Variants in GNA14 observed in about 807,000 individuals in gnomAD.
The protein encoded by GNA14 is guanine nucleotide-binding protein subunit alpha-14.
A neutral mutation model predicts 42.0 loss-of-function variants in GNA14; 50 were observed. The observed-to-expected ratio is 1.19, with a 90% CI of 0.95 to 1.51. The LOEUF (loss-of-function observed/expected upper bound fraction) is 1.51, where lower values mean the gene tolerates loss of function less well. Among genes scored for constraint, GNA14 ranks in the 40% most tolerant of loss-of-function variants. GNA14 has a pLI of 0.00. For synonymous variants in GNA14, 173 were observed against 163.1 expected, an observed-to-expected ratio of 1.06 and a Z score of -0.46; for missense variants, 473 against 446.2, an observed-to-expected ratio of 1.06 and a Z score of -0.54.
At chr9:77,582,964 A>G (rs566183270) in intron 1 of GNA14, among the ~76,000 whole-genome samples, 1 of 152,290 alleles carries the variant, frequency 6.6e-6, no homozygotes, top group East Asian at 1.9e-4. Flanking sequence ...CTTGATTTTC[A>G]CACCTGTACC....
chr9:77,452,561 T>TGTGTGTGTGTTGTGTG, intron 2 of GNA14, among the ~76,000 whole-genome samples: 1 of 142,102 alleles, frequency 7.0e-6, no homozygotes, highest in African/African-American at 2.7e-5. Flanking sequence ...TGTGTGTGTG[T>TGTGTGTGTGTTGTGTG]GTGTGTGTGT....
At chr9:77,514,608 ATTT>A (rs34158312) in intron 2 of GNA14, among the ~76,000 whole-genome samples, 17,740 of 134,446 alleles carry the variant, frequency 0.13, 931 homozygotes, top group East Asian at 0.24. Flanking sequence ...ATAATATCAG[ATTT>A]TTTTTTTTTT....
intron 2 of GNA14, among the ~76,000 whole-genome samples, chr9:77,479,989 T>C (rs190081785): frequency 1.6e-3 from 242 of 152,338 alleles, no homozygotes; most frequent in African/African-American, 5.4e-3. Flanking sequence ...AATCATGTCA[T>C]CTGCAAACAG....
chr9:77,584,517 CCCCACCA>C (rs1823271526), intron 1 of GNA14, among the ~76,000 whole-genome samples: 1 of 151,364 alleles, frequency 6.6e-6, no homozygotes, highest in South Asian at 2.1e-4. Context: ...ACCCCCCACC[CCCCACCA>C]CCCCAACCAA....
rs1014837623 is a variant in GNA14, at chr9:77,549,954, C to T, written c.125-20701G>A. Among the ~76,000 whole-genome samples, 6 of 152,180 alleles carry T rather than the reference C, an allele frequency of 3.9e-5. No individual in the cohort carries two copies. In the East Asian group the frequency reaches 1.2e-3, roughly 29 times the overall value. On this transcript the variant is annotated intron_variant, in intron 1 of 6. Transcript: ENST00000341700. The stretch of plus-strand genomic sequence containing the variant: ...CTTGCATGGGCCCTCCCCAGTCCAT[C>T]GTCTTGGGGGTGAACATGTCACTGG...
rs867602016 is a variant in GNA14 at position 77,588,386 on chromosome 9, T to C, written c.125-59133A>G. Among the ~76,000 whole-genome samples, 12 of 152,186 alleles carry C rather than the reference T, an allele frequency of 7.9e-5. No homozygotes were observed. The East Asian group carries it at 1.2e-3, about 15-fold the overall frequency. On this transcript the variant is annotated intron_variant, in intron 1 of 6. Coordinates refer to ENST00000341700, the MANE Select transcript of GNA14 (RefSeq NM_004297.4). ...TCAGCACTGTATTTTGAATGAAGAATGTGAAAGTAACAAGCAGGACTTGGT... is the reference window on the plus strand; with the variant it reads ...TCAGCACTGTATTTTGAATGAAGAACGTGAAAGTAACAAGCAGGACTTGGT...
At chr9:77,570,271 T>G (rs1243883597) in intron 1 of GNA14, among the ~76,000 whole-genome samples, 2 of 152,188 alleles carry the variant, frequency 1.3e-5, no homozygotes, top group African/African-American at 4.8e-5. Flanking sequence ...ATGTGTACAA[T>G]TCAATGGTTT....
At chr9:77,432,558 C>T (rs1438427449) in intron 3 of GNA14, among the ~76,000 whole-genome samples, 1 of 152,178 alleles carries the variant, frequency 6.6e-6, no homozygotes, top group African/African-American at 2.4e-5. Context: ...GTCCAATCAG[C>T]AGACATCTCT....
At chr9:77,464,283 G>A (rs1836172075) in intron 2 of GNA14, among the ~76,000 whole-genome samples, 1 of 152,084 alleles carries the variant, frequency 6.6e-6, no homozygotes, top group African/African-American at 2.4e-5. Flanking sequence ...TTACAGGCAT[G>A]AGCCACCATG....
At chr9:77,464,878 A>C (rs1345707760) in intron 2 of GNA14, among the ~76,000 whole-genome samples, 1 of 152,122 alleles carries the variant, frequency 6.6e-6, no homozygotes, top group Admixed American at 6.5e-5. Context: ...AAGAAGAGGG[A>C]AACTTGGACA....
chr9:77,564,807 T>C (rs1287506991), intron 1 of GNA14, among the ~76,000 whole-genome samples: 1 of 150,884 alleles, frequency 6.6e-6, no homozygotes, highest in Non-Finnish European at 1.5e-5. Flanking sequence ...CACTCCAGCC[T>C]GGGTGACGAA....
At chr9:77,439,367 A>G (rs1010387685) in intron 2 of GNA14, among the ~76,000 whole-genome samples, 10 of 152,192 alleles carry the variant, frequency 6.6e-5, no homozygotes, top group African/African-American at 2.2e-4. Context: ...GGCTGGGTGC[A>G]GTGGCTCACG....
intron 2 of GNA14, among the ~76,000 whole-genome samples, chr9:77,465,168 C>T (rs1324999995): frequency 6.6e-6 from 1 of 152,178 alleles, no homozygotes; most frequent in Non-Finnish European, 1.5e-5. Context: ...CCAGATACTC[C>T]CCATTTACTC....
At chr9:77,536,731 C>G (rs534193296) in intron 1 of GNA14, among the ~76,000 whole-genome samples, 228 of 152,300 alleles carry the variant, frequency 1.5e-3, no homozygotes, top group Non-Finnish European at 2.6e-3. Flanking sequence ...ATATTTCCTG[C>G]TACTTTCTAT....
intron 1 of GNA14, among the ~76,000 whole-genome samples, chr9:77,575,195 T>A (rs920880790): frequency 1.3e-5 from 2 of 152,126 alleles, no homozygotes; most frequent in African/African-American, 4.8e-5. Flanking sequence ...AATACAAGTT[T>A]CTCAATTTCA....
At chr9:77,608,313 T>A (rs1254360045) in intron 1 of GNA14, among the ~76,000 whole-genome samples, 1 of 152,196 alleles carries the variant, frequency 6.6e-6, no homozygotes. Context: ...CATAATTTGA[T>A]TTCACAGGTT....
chr9:77,634,577 CTCA>C (rs1279390245), intron 1 of GNA14, among the ~76,000 whole-genome samples: 1 of 151,998 alleles, frequency 6.6e-6, no homozygotes, highest in Non-Finnish European at 1.5e-5. Context: ...TTTTCCAAAT[CTCA>C]TCTTATTCCT....
intron 1 of GNA14, among the ~76,000 whole-genome samples, chr9:77,588,315 T>C (rs541211231): frequency 6.6e-6 from 1 of 152,336 alleles, no homozygotes; most frequent in South Asian, 2.1e-4. Context: ...CCAGTGTCTG[T>C]TGCTTGCAAC....
At chr9:77,619,416 G>A (rs1003675229) in intron 1 of GNA14, among the ~76,000 whole-genome samples, 1 of 152,032 alleles carries the variant, frequency 6.6e-6, no homozygotes, top group African/African-American at 2.4e-5. Flanking sequence ...AGCCAGGCTG[G>A]TCTCAAACTC....
Sources: allele counts gnomAD v4.1 joint callset (sites outside exome capture counted in the v4.1 genomes callset), GRCh38; gene constraint gnomAD v4.1.1; transcripts MANE v1.5; gene names NCBI Gene and HGNC (gene_info 2026-07-23, HGNC 2026-07-21).